ANKS1B: variants seen among roughly 807,000 people sequenced by gnomAD.
ANKS1B encodes the protein ankyrin repeat and sterile alpha motif domain containing 1B.
In ANKS1B, 36 loss-of-function variants were observed where a neutral mutation model predicts 148.3. That is an observed-to-expected ratio of 0.24 (90% CI 0.19 to 0.32). The LOEUF (loss-of-function observed/expected upper bound fraction) is 0.32, where lower values mean the gene tolerates loss of function less well. Among genes scored for constraint, ANKS1B ranks in the 10% least tolerant of loss-of-function variants. The probability of loss-of-function intolerance (pLI) is 1.00; values close to 1 mark genes in which losing one functional copy is unlikely to be tolerated. For missense variants in ANKS1B, 1,157 were observed against 1,542.6 expected (o/e 0.75, Z 4.19); for synonymous variants, 542 against 560.8 (o/e 0.97, Z 0.47).
chr12:99,649,660 G>A (rs537621815), intron 9 of ANKS1B: 1 of 393,738 alleles, frequency 2.5e-6, no homozygotes, highest in South Asian at 3.4e-5. Context: ...TCTTAATCTT[G>A]TTATAGCAAG....
chr12:99,241,524 G>C (rs1046868489), intron 14 of ANKS1B, among the ~76,000 whole-genome samples: 3 of 152,226 alleles, frequency 2.0e-5, no homozygotes, highest in African/African-American at 7.2e-5. Context: ...TAGAAAAAGA[G>C]GGAATCCTCC....
intron 1 of ANKS1B, among the ~76,000 whole-genome samples, chr12:99,849,934 C>T (rs562029997): frequency 6.6e-6 from 1 of 152,120 alleles, no homozygotes; most frequent in South Asian, 2.1e-4. Flanking sequence ...GTGCTGTAAA[C>T]TTATGATTTA....
intron 8 of ANKS1B, among the ~76,000 whole-genome samples, chr12:99,667,491 G>T (rs1366544653): frequency 6.6e-6 from 1 of 152,046 alleles, no homozygotes; most frequent in African/African-American, 2.4e-5. Flanking sequence ...CTTTCCTATA[G>T]ATATTTTAGG....
At chr12:99,697,378 C>T (rs2054095265) in intron 8 of ANKS1B, among the ~76,000 whole-genome samples, 1 of 152,158 alleles carries the variant, frequency 6.6e-6, no homozygotes, top group African/African-American at 2.4e-5. Context: ...TGTGGTATAT[C>T]CATGCAATGA....
At chr12:98,945,954 G>A (rs999469864) in intron 17 of ANKS1B, among the ~76,000 whole-genome samples, 1 of 152,186 alleles carries the variant, frequency 6.6e-6, no homozygotes, top group Non-Finnish European at 1.5e-5. Flanking sequence ...GTTGAGGCAT[G>A]GACACTGGGT....
intron 8 of ANKS1B, among the ~76,000 whole-genome samples, chr12:99,694,880 A>G (rs1363213499): frequency 2.0e-5 from 3 of 152,182 alleles, no homozygotes; most frequent in Admixed American, 6.5e-5. Context: ...TAAGAAGCTC[A>G]TGCTTTCTCA....
intron 15 of ANKS1B, among the ~76,000 whole-genome samples, chr12:99,101,977 G>T (rs575241449): frequency 2.6e-5 from 4 of 152,242 alleles, no homozygotes; most frequent in South Asian, 2.1e-4. Context: ...GGCTAATGTT[G>T]TAGATTTGGG....
At chr12:98,894,887 CG>C in intron 17 of ANKS1B, 2 of 972,176 alleles carry the variant, frequency 2.1e-6, no homozygotes, top group African/African-American at 1.8e-5. Context: ...CCCGCGCGCG[CG>C]CCCCCCACTG....
chr12:99,932,627 AT>A (rs1222257042), intron 1 of ANKS1B, among the ~76,000 whole-genome samples: 2 of 151,930 alleles, frequency 1.3e-5, no homozygotes, highest in Non-Finnish European at 2.9e-5. Context: ...GAATTACTAG[AT>A]TTTTTTCCCA....
chr12:99,844,416 A>G (rs2086284178), intron 1 of ANKS1B, among the ~76,000 whole-genome samples: 1 of 152,042 alleles, frequency 6.6e-6, no homozygotes, highest in South Asian at 2.1e-4. Flanking sequence ...TGATTTTTGT[A>G]TAAAGTATAA....
At chr12:99,421,670 G>A (rs751440567) in intron 11 of ANKS1B, among the ~76,000 whole-genome samples, 21 of 152,184 alleles carry the variant, frequency 1.4e-4, no homozygotes, top group Non-Finnish European at 2.6e-4. Flanking sequence ...GCTTGAAGAG[G>A]AAACATCAGA....
At chr12:99,244,699 A>G (rs2089971583) in intron 13 of ANKS1B, among the ~76,000 whole-genome samples, 1 of 152,178 alleles carries the variant, frequency 6.6e-6, no homozygotes. Flanking sequence ...TCATTTAGGA[A>G]CTGTGTATTC....
chr12:98,956,588 A>G (rs2153105295), intron 17 of ANKS1B, among the ~76,000 whole-genome samples: 1 of 147,930 alleles, frequency 6.8e-6, no homozygotes, highest in South Asian at 2.2e-4. Context: ...GCCAGATTAT[A>G]CTACCTGTAG....
intron 10 of ANKS1B, among the ~76,000 whole-genome samples, chr12:99,446,601 G>T (rs2668183): frequency 0.24 from 36,131 of 151,852 alleles, 4,352 homozygotes; most frequent in South Asian, 0.33. Flanking sequence ...ACCCTTCTGA[G>T]AGTTAGCATG....
intron 8 of ANKS1B, among the ~76,000 whole-genome samples, chr12:99,767,272 C>G (rs928549384): frequency 6.6e-6 from 1 of 152,006 alleles, no homozygotes; most frequent in African/African-American, 2.4e-5. Flanking sequence ...GCCAATGCAA[C>G]CCCTTTCAAA....
At chr12:99,551,523 G>A (rs908358290) in intron 9 of ANKS1B, among the ~76,000 whole-genome samples, 1 of 109,020 alleles carries the variant, frequency 9.2e-6, no homozygotes, top group African/African-American at 3.5e-5. Context: ...GGAAGGAAAG[G>A]AGAGGAGAGG....
chr12:99,814,916 A>C (rs1370245461), intron 2 of ANKS1B, among the ~76,000 whole-genome samples: 1 of 151,820 alleles, frequency 6.6e-6, no homozygotes, highest in Non-Finnish European at 1.5e-5. Context: ...TAATAGCAAA[A>C]GAAGTTAGTC....
At chr12:99,371,832 A>C (rs1007377112) in intron 12 of ANKS1B, among the ~76,000 whole-genome samples, 19 of 152,314 alleles carry the variant, frequency 1.2e-4, no homozygotes, top group African/African-American at 4.6e-4. Flanking sequence ...CCAGTATATA[A>C]TAAGAATAAA....
At chr12:99,154,190 C>A in intron 15 of ANKS1B, 99 bp downstream of exon 15, 1 of 1,452,248 alleles carries the variant, frequency 6.9e-7, no homozygotes, top group Non-Finnish European at 9.4e-7. Context: ...ATAAATCTGA[C>A]CAGTTTTGGT....
Sources: allele counts gnomAD v4.1 joint callset (sites outside exome capture counted in the v4.1 genomes callset), GRCh38; gene constraint gnomAD v4.1.1; transcripts MANE v1.5; gene names NCBI Gene and HGNC (gene_info 2026-07-23, HGNC 2026-07-21).